The following ZZEF1 variants were observed in gnomAD, a reference collection of about 807,000 sequenced individuals.
The protein encoded by ZZEF1 is zinc finger ZZ-type and EF-hand domain-containing protein 1.
ZZEF1 carries 157 observed loss-of-function variants against 342.8 expected under a neutral mutation model. That is an observed-to-expected ratio of 0.46 (90% CI 0.40 to 0.52). ZZEF1 has a LOEUF of 0.52. Ranked by LOEUF, ZZEF1 falls within the 20% of genes least tolerant of loss-of-function variation. ZZEF1 has a pLI of 0.00. For synonymous variants in ZZEF1, 1,505 were observed against 1,429.1 expected (o/e 1.05, Z -1.20); for missense variants, 3,480 against 3,725.6 (o/e 0.93, Z 1.72).
chr17:4,109,978 C>CAG (rs2058270832), intron 5 of ZZEF1, 115 bp from the exon 6 acceptor site: 2 of 903,224 alleles, frequency 2.2e-6, no homozygotes, highest in Admixed American at 5.0e-5. Context: ...TCTGAAGGTA[C>CAG]ACTTTGATGA....
At chr17:4,012,269 G>A (rs565809311) in intron 52 of ZZEF1, among the ~76,000 whole-genome samples, 1 of 152,274 alleles carries the variant, frequency 6.6e-6, no homozygotes, top group East Asian at 1.9e-4. Flanking sequence ...CTGTGTATGA[G>A]GACACGGGGG....
intron 6 of ZZEF1, among the ~76,000 whole-genome samples, chr17:4,106,038 C>T (rs2058207719): frequency 6.6e-6 from 1 of 152,136 alleles, no homozygotes; most frequent in Non-Finnish European, 1.5e-5. Context: ...CAACCTCCAC[C>T]TCCCAGGTTC....
At chr17:4,081,268 C>T (rs2057718147) in intron 18 of ZZEF1, 108 bp downstream of exon 18, 3 of 920,836 alleles carry the variant, frequency 3.3e-6, no homozygotes, top group Non-Finnish European at 5.1e-6. Context: ...AAAACCACAA[C>T]AAAGTACATT....
At chr17:4,141,995 T>C (rs2058860495) in intron 1 of ZZEF1, among the ~76,000 whole-genome samples, 1 of 152,226 alleles carries the variant, frequency 6.6e-6, no homozygotes, top group East Asian at 1.9e-4. Context: ...AAGGTTTAAA[T>C]GAGTCTAATA....
At chr17:4,099,103 C>T (rs865825401) in intron 9 of ZZEF1, among the ~76,000 whole-genome samples, 5 of 152,112 alleles carry the variant, frequency 3.3e-5, no homozygotes, top group South Asian at 2.1e-4. Flanking sequence ...ATAACACTGC[C>T]ACCAAATATG....
intron 37 of ZZEF1, 131 bp downstream of exon 37, chr17:4,049,577 G>T: frequency 9.8e-7 from 1 of 1,019,022 alleles, no homozygotes; most frequent in South Asian, 1.7e-5. Flanking sequence ...AGGTTTGATG[G>T]AGCAGGCATG....
intron 1 of ZZEF1, among the ~76,000 whole-genome samples, chr17:4,127,897 A>G (rs907090283): frequency 5.3e-5 from 8 of 152,338 alleles, no homozygotes; most frequent in Admixed American, 1.3e-4. Flanking sequence ...GGATCTCCCA[A>G]CGAAAGGGCC....
At chr17:4,142,428 A>C (rs1215667023) in intron 1 of ZZEF1, 114 bp downstream of exon 1, 11 of 1,121,522 alleles carry the variant, frequency 9.8e-6, no homozygotes, top group Non-Finnish European at 1.4e-5. Flanking sequence ...AAAAGCTGGA[A>C]ACACCTCATA....
rs1006954 is a variant in ZZEF1, at chr17:4,044,239, G to A, written c.6151C>T (p.Pro2051Ser). The A allele has an allele frequency of 0.12, 194,889 of 1,613,250 alleles. 12,519 individuals are homozygous for A. Among genetic ancestry groups the A allele is most frequent in the African/African-American group, 0.13 (10,073 of 74,984 alleles). Residue 2051 changes from proline to serine, a missense_variant, in exon 38 of 55, where the codon CCT (proline) becomes TCT (serine). By Grantham distance (74) the Pro-to-Ser change is moderately conservative. Transcript: ENST00000381638. ...ISDSPADASPPTGLPDAEDSE... is the reference protein window; with the variant it reads ...ISDSPADASPSTGLPDAEDSE... ...TAGTCTTTACCTGGAAGTCCTGTAG[G>A]TGGGCTAGCATCTGCAGGTGAATCT...
In ZZEF1 at chr17:4,059,230, G is replaced by T. The variant is rs767925846; in HGVS notation, c.4944C>A (p.Tyr1648Ter). 1.2e-6 allele frequency: 2 copies of T among 1,608,422 alleles called. No homozygotes were observed. Among genetic ancestry groups the T allele is most frequent in the Non-Finnish European group, 1.7e-6 (2 of 1,179,088 alleles). ...TGACCAAAAACAGAACAAGTTGATA[G>T]TAAGTGTCTCGAATTTCTTTGTGTA... The part of the protein sequence containing the change: ...ADLHKEIRDT[Y>*]YQLVLFLVKA... The change falls in exon 31 of 55, where the codon TAC becomes TAA. Residue 1648 changes from tyrosine to a stop codon, truncating the protein, a stop_gained. Transcript: ENST00000381638. LOFTEE classifies it high-confidence loss of function.
intron 42 of ZZEF1, among the ~76,000 whole-genome samples, chr17:4,031,810 AAT>A (rs1477307931): frequency 2.0e-5 from 3 of 152,228 alleles, no homozygotes; most frequent in Admixed American, 6.5e-5. Context: ...CTGACTCCAA[AAT>A]ATGTTTAAAT....
intron 1 of ZZEF1, among the ~76,000 whole-genome samples, chr17:4,140,868 CT>C (rs1010282163): frequency 1.4e-5 from 2 of 142,968 alleles, no homozygotes; most frequent in Non-Finnish European, 3.0e-5. Context: ...ATGTGTATTC[CT>C]GGGGGGAAAA....
At chr17:4,125,518 T>C (rs140182558) in intron 1 of ZZEF1, among the ~76,000 whole-genome samples, 1 of 152,296 alleles carries the variant, frequency 6.6e-6, no homozygotes, top group African/African-American at 2.4e-5. Flanking sequence ...AGAAGCAGCA[T>C]GGAAAAGATC....
chr17:4,127,485 G>C (rs944833389), intron 1 of ZZEF1, among the ~76,000 whole-genome samples: 5 of 152,252 alleles, frequency 3.3e-5, no homozygotes, highest in Admixed American at 2.0e-4. Flanking sequence ...GGAAAAAGCA[G>C]GGGGCGGTTT....
intron 11 of ZZEF1, among the ~76,000 whole-genome samples, chr17:4,094,360 A>G (rs967240029): frequency 6.6e-6 from 1 of 151,950 alleles, no homozygotes; most frequent in African/African-American, 2.4e-5. Flanking sequence ...TATGTTGCTC[A>G]GGCTGGTCTC....
At position 4,066,744 on chromosome 17, in the gene ZZEF1, A is replaced by G. The variant is rs2057407215; in HGVS notation, c.4156-204T>C. ...CTGCAGGGGGCTTTCTCTAAAGCCT[A>G]TCTAGTACTGATAAAGAAGAAGCTG... On this transcript the variant is annotated intron_variant, in intron 27 of 54. Coordinates refer to ENST00000381638, the MANE Select transcript of ZZEF1 (RefSeq NM_015113.4). Among the ~76,000 whole-genome samples, 4 of 152,138 alleles carry G rather than the reference A, an allele frequency of 2.6e-5. No homozygotes were observed. The South Asian group carries it at 6.2e-4, about 24-fold the overall frequency.
Position 4,042,567 on chromosome 17 carries a change from A to G in ZZEF1, c.6168T>C (p.Asp2056=). 2 of 1,610,098 alleles carry G rather than the reference A, an allele frequency of 1.2e-6. No individual in the cohort carries two copies. Among genetic ancestry groups the G allele is most frequent in the South Asian group, 1.1e-5 (1 of 90,242 alleles). The part of the protein sequence containing the change: ...ADASPPTGLP[D]AEDSEVSSQK... ...GAGATGACACTTCTGAATCTTCAGC[A>G]TCTAAGTGGTAAAACAAACTTTCAG... The change falls in exon 39 of 55, where the codon GAT becomes GAC. Residue 2056 remains aspartate, a splice_region_variant and synonymous_variant. Coordinates refer to ENST00000381638, the MANE Select transcript of ZZEF1 (RefSeq NM_015113.4).
rs543676275 is a variant in ZZEF1 at position 4,114,281 on chromosome 17, GTATTA to G, written c.866+13_866+17del. The G allele has an allele frequency of 1.4e-4, 220 of 1,529,038 alleles. 1 individual carries two copies. Among genetic ancestry groups the G allele is most frequent in the Admixed American group, 6.3e-4 (28 of 44,212 alleles). 94.7% of individuals were successfully genotyped at this position (1,529,038 alleles called of 1,614,324 possible). On this transcript the variant is annotated intron_variant, in intron 4 of 54. Coordinates refer to ENST00000381638, the MANE Select transcript of ZZEF1 (RefSeq NM_015113.4). ...ATCCAAAATTTTAAAAAACAAAAAA[GTATTA>G]TATACCACCCACCGAATCCAGTGTG...
intron 39 of ZZEF1, among the ~76,000 whole-genome samples, chr17:4,041,949 A>G (rs2056812421): frequency 6.6e-6 from 1 of 152,136 alleles, no homozygotes; most frequent in Non-Finnish European, 1.5e-5. Context: ...GGCTATATGT[A>G]TAAAACTATT....
Sources: gnomAD v4.1 joint callset for allele counts (sites outside exome capture counted in the v4.1 genomes callset) on GRCh38, gnomAD v4.1.1 for gene constraint, MANE v1.5 for transcripts, NCBI Gene and HGNC (gene_info 2026-07-23, HGNC 2026-07-21) for gene names.